Variants in CCNH observed in about 807,000 individuals in gnomAD.
CCNH encodes cyclin H, also known as cyclin-H.
In CCNH, 31 loss-of-function variants were observed where a neutral mutation model predicts 41.9. The observed-to-expected ratio is 0.74, with a 90% CI of 0.56 to 1.00. CCNH has a LOEUF of 1.00. Among genes scored for constraint, CCNH ranks in the 50% least tolerant of loss-of-function variants. The pLI, the probability that CCNH is intolerant of heterozygous loss-of-function variation, is 0.00. For synonymous variants in CCNH, 138 were observed against 136.1 expected, an observed-to-expected ratio of 1.01 and a Z score of -0.10; for missense variants, 362 against 388.4, an observed-to-expected ratio of 0.93 and a Z score of 0.57.
At chr5:87,395,488 C>T (rs1356410376) in intron 7 of CCNH, among the ~76,000 whole-genome samples, 1 of 152,064 alleles carries the variant, frequency 6.6e-6, no homozygotes, top group Non-Finnish European at 1.5e-5. Context: ...AATGATCAGA[C>T]TAGATAAGCA....
At chr5:87,320,168 C>T (rs1756680655) in intron 9 of CCNH, among the ~76,000 whole-genome samples, 1 of 152,162 alleles carries the variant, frequency 6.6e-6, no homozygotes, top group African/African-American at 2.4e-5. Flanking sequence ...TTTCACTGTC[C>T]ATATCACTGT....
chr5:87,349,713 T>C (rs1337586353), intron 9 of CCNH, among the ~76,000 whole-genome samples: 1 of 151,834 alleles, frequency 6.6e-6, no homozygotes, highest in Non-Finnish European at 1.5e-5. Flanking sequence ...TGAGATACTT[T>C]AGTAGGAAAA....
chr5:87,394,680 G>A (rs1762777695), intron 8 of CCNH, 196 bp from the exon 9 acceptor site: 1 of 1,369,288 alleles, frequency 7.3e-7, no homozygotes, highest in Non-Finnish European at 9.4e-7. Context: ...AGGAATAAAG[G>A]TTATGGCTGT....
intron 7 of CCNH, among the ~76,000 whole-genome samples, chr5:87,396,089 CTTA>C (rs1301463833): frequency 2.7e-5 from 4 of 150,594 alleles, no homozygotes; most frequent in African/African-American, 7.3e-5. Flanking sequence ...AGAATTTTTT[CTTA>C]TTATTCCCTC....
At chr5:87,368,185 T>C (rs1032512263) in intron 9 of CCNH, among the ~76,000 whole-genome samples, 13 of 152,150 alleles carry the variant, frequency 8.5e-5, no homozygotes, top group Non-Finnish European at 2.9e-5. Flanking sequence ...TCATCCTTTT[T>C]CCTCTGTACC....
intron 9 of CCNH, among the ~76,000 whole-genome samples, chr5:87,339,880 C>T (rs1269309119): frequency 6.6e-6 from 1 of 151,990 alleles, no homozygotes; most frequent in East Asian, 1.9e-4. Context: ...ATTGAAAAAC[C>T]ATTTGGACAT....
At chr5:87,391,510 A>G (rs1762514126), downstream of CCNH, 1 of 237,804 alleles carries the variant, frequency 4.2e-6, no homozygotes, top group South Asian at 1.6e-4. Flanking sequence ...CATCAGCTTT[A>G]TTTTTTAAAC....
chr5:87,322,449 C>CCTT (rs1376393999), intron 9 of CCNH, among the ~76,000 whole-genome samples: 1 of 152,162 alleles, frequency 6.6e-6, no homozygotes, highest in Non-Finnish European at 1.5e-5. Context: ...TTCCCTGACC[C>CCTT]CTTGTCTGTG....
At chr5:87,412,009 C>T (rs1198594204) in intron 1 of CCNH, among the ~76,000 whole-genome samples, 2 of 152,224 alleles carry the variant, frequency 1.3e-5, no homozygotes, top group Non-Finnish European at 2.9e-5. Flanking sequence ...AAACCATCTT[C>T]AGTCACTTGG....
chr5:87,328,727 C>G (rs1327264918), intron 9 of CCNH, among the ~76,000 whole-genome samples: 1 of 152,020 alleles, frequency 6.6e-6, no homozygotes, highest in African/African-American at 2.4e-5. Flanking sequence ...CTGAATCTCT[C>G]AGTAGGGTAA....
downstream of CCNH, chr5:87,391,276 ATTC>A (rs1455835722): frequency 1.8e-5 from 7 of 379,436 alleles, no homozygotes; most frequent in African/African-American, 1.4e-4. Context: ...CAAGAAACAC[ATTC>A]TTATTGACAA....
chr5:87,342,926 A>G (rs1288568046), intron 9 of CCNH, among the ~76,000 whole-genome samples: 1 of 152,176 alleles, frequency 6.6e-6, no homozygotes, highest in Non-Finnish European at 1.5e-5. Context: ...GTTTTCTCAT[A>G]GTATAAAATA....
At chr5:87,382,037 C>G (rs931703891), upstream of CCNH, among the ~76,000 whole-genome samples, 1 of 152,098 alleles carries the variant, frequency 6.6e-6, no homozygotes, top group Non-Finnish European at 1.5e-5. Context: ...CTGCAACCCC[C>G]GCCTCCCAGG....
chr5:87,376,572 A>G lies in CCNH; in HGVS notation n.609T>C. On this transcript the variant is annotated non_coding_transcript_exon_variant, in exon 1 of 1. Transcript: ENST00000607486. ...GTACAGTGAATTTAAAGAGGTATTA[A>G]ATTATTTATCAGTCTTGTTTTTGTT... 1 of 1,611,072 alleles carries G rather than the reference A, an allele frequency of 6.2e-7. No individual in the cohort carries two copies. The highest frequency in any genetic ancestry group is 8.5e-7 in the Non-Finnish European group (1 of 1,177,336).
At chr5:87,319,736 G>C (rs900256669) in intron 9 of CCNH, among the ~76,000 whole-genome samples, 7 of 152,194 alleles carry the variant, frequency 4.6e-5, no homozygotes, top group African/African-American at 1.4e-4. Context: ...TGCCCTGGGA[G>C]ACATTTTCCC....
At chr5:87,342,462 A>G (rs1758542093) in intron 9 of CCNH, among the ~76,000 whole-genome samples, 1 of 152,160 alleles carries the variant, frequency 6.6e-6, no homozygotes, top group Admixed American at 6.6e-5. Flanking sequence ...CCCAGCTAGG[A>G]GTTGCAAATT....
downstream of CCNH, chr5:87,394,201 C>CAA: frequency 8.9e-7 from 1 of 1,118,046 alleles, no homozygotes; most frequent in East Asian, 3.9e-5. Flanking sequence ...AAAAATTAGG[C>CAA]AAATGAGTTG....
intron 9 of CCNH, chr5:87,349,151 T>C (rs1240702358): frequency 6.4e-7 from 1 of 1,565,070 alleles, no homozygotes; most frequent in Non-Finnish European, 8.8e-7. Flanking sequence ...GTAATAATAC[T>C]ACTTAACATC....
chr5:87,389,366 A>G, downstream of CCNH: 6 of 1,613,570 alleles, frequency 3.7e-6, no homozygotes, highest in Non-Finnish European at 5.1e-6. Context: ...TTGTATTTCT[A>G]AATGCAATTT....
Sources: gnomAD v4.1 joint callset for allele counts (sites outside exome capture counted in the v4.1 genomes callset) on GRCh38, gnomAD v4.1.1 for gene constraint, MANE v1.5 for transcripts, NCBI Gene and HGNC (gene_info 2026-07-23, HGNC 2026-07-21) for gene names.